The following LHFPL3 variants were observed in gnomAD, a reference collection of about 807,000 sequenced individuals.
LHFPL3 encodes the protein LHFPL tetraspan subfamily member 3, also known as LHFPL tetraspan subfamily member 3 protein.
LHFPL3 carries 5 observed loss-of-function variants against 19.3 expected under a neutral mutation model. That is an observed-to-expected ratio of 0.26 (90% confidence interval 0.14 to 0.54). The LOEUF (loss-of-function observed/expected upper bound fraction) is 0.54, where lower values mean the gene tolerates loss of function less well. Ranked by LOEUF, LHFPL3 falls within the 20% of genes least tolerant of loss-of-function variation. The probability of loss-of-function intolerance (pLI) is 0.94; values close to 1 mark genes in which losing one functional copy is unlikely to be tolerated. For synonymous variants in LHFPL3, 133 were observed against 126.2 expected (o/e 1.05, Z -0.36); for missense variants, 249 against 307.4 (o/e 0.81, Z 1.42).
chr7:104,521,720 G>A (rs538736311), intron 1 of LHFPL3, among the ~76,000 whole-genome samples: 23 of 152,264 alleles, frequency 1.5e-4, no homozygotes, highest in South Asian at 4.2e-4. Flanking sequence ...TCAAAAAGTG[G>A]TCGAAGGACA....
chr7:104,778,724 G>A (rs1008764479), intron 2 of LHFPL3, among the ~76,000 whole-genome samples: 7 of 152,242 alleles, frequency 4.6e-5, no homozygotes, highest in African/African-American at 1.7e-4. Flanking sequence ...AGTGCAGCAG[G>A]TGGGTGCCCC....
chr7:104,432,098 A>G (rs977290133), intron 1 of LHFPL3, among the ~76,000 whole-genome samples: 3 of 152,128 alleles, frequency 2.0e-5, no homozygotes, highest in Non-Finnish European at 4.4e-5. Flanking sequence ...TGAAGTTTAA[A>G]TGCTCTCCCT....
chr7:104,736,887 G>C lies in LHFPL3; in HGVS notation c.658G>C (p.Glu220Gln). 6.2e-7 allele frequency: 1 copy of C among 1,607,706 alleles called. No homozygotes were observed. The highest frequency in any genetic ancestry group is 8.5e-7 in the Non-Finnish European group (1 of 1,176,886). ...TAATCGACAAGACAGCTTGATGGCA[G>C]AGGAACTGAAGGCAGAAAACAAAGG... The part of the protein sequence containing the change: ...LGNRQDSLMA[E>Q]ELKAENKVLL... Residue 220 changes from glutamate (E) to glutamine (Q), a missense_variant, in exon 2 of 3, where the codon GAG (glutamate) becomes CAG (glutamine). Glu to Gln is a conservative substitution (Grantham distance 29). Transcript: ENST00000424859.
At chr7:104,807,387 C>T (rs543647772) in intron 2 of LHFPL3, among the ~76,000 whole-genome samples, 54 of 152,296 alleles carry the variant, frequency 3.5e-4, no homozygotes, top group African/African-American at 1.3e-3. Context: ...ACACCTCGAT[C>T]CTGGACTTCT....
At chr7:104,482,184 G>A (rs1253197621) in intron 1 of LHFPL3, among the ~76,000 whole-genome samples, 1 of 152,190 alleles carries the variant, frequency 6.6e-6, no homozygotes, top group African/African-American at 2.4e-5. Flanking sequence ...AAATCCCACT[G>A]AGGTCGGATT....
At chr7:104,495,559 A>T (rs1793456013) in intron 1 of LHFPL3, among the ~76,000 whole-genome samples, 1 of 151,950 alleles carries the variant, frequency 6.6e-6, no homozygotes, top group East Asian at 1.9e-4. Context: ...AATTTTTTGT[A>T]TTTTTAGTAG....
At chr7:104,786,367 G>T (rs1789913630) in intron 2 of LHFPL3, among the ~76,000 whole-genome samples, 1 of 152,178 alleles carries the variant, frequency 6.6e-6, no homozygotes, top group Non-Finnish European at 1.5e-5. Context: ...ATCTGTCAAA[G>T]GAGAATAAGA....
At chr7:104,449,209 C>A (rs892670499) in intron 1 of LHFPL3, among the ~76,000 whole-genome samples, 4 of 152,178 alleles carry the variant, frequency 2.6e-5, no homozygotes, top group Non-Finnish European at 5.9e-5. Context: ...GGATTTCTAA[C>A]AAAGCAATCC....
At chr7:104,698,950 C>G (rs1228331415) in intron 1 of LHFPL3, among the ~76,000 whole-genome samples, 1 of 152,118 alleles carries the variant, frequency 6.6e-6, no homozygotes, top group Non-Finnish European at 1.5e-5. Flanking sequence ...TTCAACAACA[C>G]TAGTCAATAG....
chr7:104,845,298 G>A, intron 2 of LHFPL3: 2 of 778,140 alleles, frequency 2.6e-6, no homozygotes, highest in Non-Finnish European at 4.4e-6. Context: ...CAGGAATGAC[G>A]TTGTCAGTTT....
intron 1 of LHFPL3, among the ~76,000 whole-genome samples, chr7:104,334,191 T>G: frequency 6.6e-6 from 1 of 152,176 alleles, no homozygotes; most frequent in South Asian, 2.1e-4. Context: ...TTTCATTGAG[T>G]TAATAAATTG....
rs150322136 is a variant in LHFPL3 at position 104,591,499 on chromosome 7, G to A, written c.446-145176G>A. On this transcript the variant is annotated intron_variant, in intron 1 of 2. Coordinates refer to ENST00000424859, the MANE Select transcript of LHFPL3 (RefSeq NM_199000.3). ...TGAGAGATCTGCTGTTAGTCTGATG[G>A]GCTTCCCTTTGTGGGTAACCCGACC... Among the ~76,000 whole-genome samples, 624 of 152,252 alleles carry A rather than the reference G, an allele frequency of 4.1e-3. 35 individuals carry two copies. The East Asian group carries it at 0.1, about 24-fold the overall frequency.
chr7:104,567,714 G>T (rs756261603), intron 1 of LHFPL3, among the ~76,000 whole-genome samples: 17 of 152,064 alleles, frequency 1.1e-4, no homozygotes, highest in Non-Finnish European at 1.6e-4. Context: ...CTTTCCTTTC[G>T]GCTTGCTCAT....
chr7:104,725,730 A>C (rs886247818), intron 1 of LHFPL3, among the ~76,000 whole-genome samples: 1 of 152,086 alleles, frequency 6.6e-6, no homozygotes, highest in Admixed American at 6.5e-5. Context: ...ATTTGAAAAA[A>C]TTTTCAAATC....
intron 1 of LHFPL3, among the ~76,000 whole-genome samples, chr7:104,706,569 G>C (rs1385890108): frequency 6.6e-6 from 1 of 152,208 alleles, no homozygotes; most frequent in Non-Finnish European, 1.5e-5. Context: ...AGTAAAGATT[G>C]CATCTCAAAA....
Position 104,517,651 on chromosome 7 carries a change from C to T in LHFPL3, c.445+188427C>T, listed in dbSNP as rs62485134. On this transcript the variant is annotated intron_variant, in intron 1 of 2. Transcript: ENST00000424859. ...CCTCCTGAATAATTGGGCTTACAGG[C>T]GCCCACCACCATGCCAGGCTAATTT... 7.1e-3 allele frequency among the ~76,000 whole-genome samples: 1,083 copies of T among 151,832 alleles called. 18 individuals carry two copies. In the East Asian group the frequency reaches 0.076, roughly 11 times the overall value.
chr7:104,339,267 A>T (rs1789901680), intron 1 of LHFPL3, among the ~76,000 whole-genome samples: 1 of 152,212 alleles, frequency 6.6e-6, no homozygotes, highest in African/African-American at 2.4e-5. Context: ...AAGAAAAGAA[A>T]TAATAATGAT....
At chr7:104,458,768 C>T (rs902931037) in intron 1 of LHFPL3, among the ~76,000 whole-genome samples, 23 of 152,002 alleles carry the variant, frequency 1.5e-4, no homozygotes, top group African/African-American at 5.3e-4. Context: ...GGCTAATTCA[C>T]CTTCAGCCAT....
At chr7:104,697,229 C>T (rs547333156) in intron 1 of LHFPL3, among the ~76,000 whole-genome samples, 39 of 152,160 alleles carry the variant, frequency 2.6e-4, no homozygotes, top group African/African-American at 8.7e-4. Context: ...TATGAATTTG[C>T]GGGGAGAGCA....
Sources: allele counts gnomAD v4.1 joint callset (sites outside exome capture counted in the v4.1 genomes callset), GRCh38; gene constraint gnomAD v4.1.1; transcripts MANE v1.5; gene names NCBI Gene and HGNC (gene_info 2026-07-23, HGNC 2026-07-21).